The following PLIN5 variants were observed in gnomAD, a reference collection of about 807,000 sequenced individuals.
PLIN5 encodes perilipin 5.
A neutral mutation model predicts 32.8 loss-of-function variants in PLIN5; 34 were observed. That is an observed-to-expected ratio of 1.04 (90% confidence interval 0.79 to 1.38). The LOEUF (loss-of-function observed/expected upper bound fraction) is 1.38. Ranked by LOEUF, PLIN5 falls within the 40% of genes most tolerant of loss-of-function variation. The pLI, the probability that PLIN5 is intolerant of heterozygous loss-of-function variation, is 0.00. For synonymous variants in PLIN5, 309 were observed against 292.9 expected, an observed-to-expected ratio of 1.05 and a Z score of -0.56; for missense variants, 712 against 660.5, an observed-to-expected ratio of 1.08 and a Z score of -0.85.
chr19:4,531,006 CT>C (rs1205645710), intron 3 of PLIN5, among the ~76,000 whole-genome samples: 248 of 135,532 alleles, frequency 1.8e-3, no homozygotes, highest in East Asian at 5.5e-3. Flanking sequence ...TTTGTTTTTG[CT>C]TTTTTTTTTT....
rs1471138797 is a variant in PLIN5 at position 4,523,922 on chromosome 19, G to C, written c.998C>G (p.Ala333Gly). 6.5e-7 allele frequency: 1 copy of C among 1,528,698 alleles called. No individual in the cohort carries two copies. Among genetic ancestry groups the C allele is most frequent in the Non-Finnish European group, 8.7e-7 (1 of 1,146,620 alleles). The allele number at this position is 1,528,698 out of a possible 1,614,324, so 94.7% of individuals were successfully genotyped here. Reference protein sequence around the residue: ...VDALQTAFADARCFRDVPAAA... With the variant: ...VDALQTAFADGRCFRDVPAAA... ...CGCTGGCACGTCCCTGAAGCAGCGG[G>C]CATCAGCGAAGGCGGTCTGCAGGGC... The change falls in exon 8 of 8, where the codon GCC becomes GGC. Residue 333 changes from alanine to glycine, a missense_variant. By Grantham distance (60) the Ala-to-Gly change is moderately conservative. Coordinates refer to ENST00000381848, the MANE Select transcript of PLIN5 (RefSeq NM_001013706.3). The surrounding 1 kb of genome is among the most constrained non-coding windows in gnomAD (Gnocchi z 5.0).
intron 5 of PLIN5, 130 bp downstream of exon 5, chr19:4,528,943 G>C (rs1265657144): frequency 2.9e-6 from 3 of 1,039,694 alleles, no homozygotes; most frequent in South Asian, 3.4e-5. Flanking sequence ...GACAGGCCTG[G>C]TTTTGAGTTG....
chr19:4,528,961 CCTG>C (rs1410507832), intron 5 of PLIN5, 109 bp downstream of exon 5: 16 of 1,190,068 alleles, frequency 1.3e-5, no homozygotes, highest in Non-Finnish European at 1.9e-5. Flanking sequence ...TTGTATGTTT[CCTG>C]CTGATCTGCT....
intron 5 of PLIN5, chr19:4,528,753 G>A: frequency 4.2e-6 from 1 of 236,492 alleles, no homozygotes; most frequent in Non-Finnish European, 8.1e-6. Context: ...GACATGTAAT[G>A]CAAAATCTGG....
rs1476906388 is a variant in PLIN5, at chr19:4,522,680, G to A, written c.*848C>T. ...GGCAAAATGTGTGTTTCCCTAGGAA[G>A]TATTTTTTAAAAACATTTTTGAGAT... On this transcript the variant is annotated 3_prime_UTR_variant, in exon 8 of 8. Transcript: ENST00000381848. 3 of 152,158 alleles carry A rather than the reference G, an allele frequency of 2.0e-5. No homozygotes were observed. The highest frequency in any genetic ancestry group is 4.4e-5 in the Non-Finnish European group (3 of 68,046). 9.4% of individuals were successfully genotyped at this position (152,158 alleles called of 1,614,324 possible). A position where few individuals can be genotyped will look rare whatever the true frequency, so the allele number is the denominator to read the frequency against.
At chr19:4,524,211 C>T in intron 7 of PLIN5, 126 bp from the exon 8 acceptor site, 1 of 932,606 alleles carries the variant, frequency 1.1e-6, no homozygotes, top group East Asian at 3.3e-5. Context: ...AGTCCTGTCC[C>T]CTGTAGACAC....
In PLIN5 at chr19:4,523,397, A is replaced by G. The variant is rs1976754687; in HGVS notation, c.*131T>C. 2 of 1,073,150 alleles carry G rather than the reference A, an allele frequency of 1.9e-6. No individual in the cohort carries two copies. Among genetic ancestry groups the G allele is most frequent in the African/African-American group, 3.3e-5 (2 of 61,022 alleles). The allele number at this position is 1,073,150 out of a possible 1,614,324, so 66.5% of individuals were successfully genotyped here. On this transcript the variant is annotated 3_prime_UTR_variant, in exon 8 of 8. Coordinates refer to ENST00000381848, the MANE Select transcript of PLIN5 (RefSeq NM_001013706.3). This position sits in a 1 kb window ranked among gnomAD's most constrained non-coding sequence, Gnocchi z 5.0. ...AGTCCAATACCAAAAAGGTGGTCAG[A>G]GATCCGGAGTTGGGCCTGATTCCAA... is the stretch of plus-strand genomic sequence containing the variant.
At chr19:4,529,345 C>T (rs1434315329) in intron 4 of PLIN5, 92 bp from the exon 5 acceptor site, 9 of 1,386,302 alleles carry the variant, frequency 6.5e-6, no homozygotes, top group Non-Finnish European at 8.8e-6. Context: ...TCAAAGATCC[C>T]TGGACTTCTA....
At chr19:4,533,146 A>C (rs1193659888) in intron 2 of PLIN5, 3 of 146,796 alleles carry the variant, frequency 2.0e-5, no homozygotes, top group Admixed American at 1.4e-4. Context: ...CCTAGGCTGG[A>C]GTGCAGTGGC....
At chr19:4,533,952 C>T (rs1032479802) in intron 2 of PLIN5, 63 bp downstream of exon 2, 2 of 1,558,124 alleles carry the variant, frequency 1.3e-6, no homozygotes, top group Non-Finnish European at 1.7e-6. Context: ...CTGAAACGCT[C>T]CTAGAAGGGA....
Position 4,525,857 on chromosome 19 carries a change from CACGGGGACAGG to C in PLIN5, c.521-36_521-26del. 3.2e-6 allele frequency: 5 copies of C among 1,539,866 alleles called. No homozygotes were observed. Among genetic ancestry groups the C allele is most frequent in the African/African-American group, 1.9e-5 (1 of 52,224 alleles). On this transcript the variant is annotated intron_variant, in intron 5 of 7. Transcript: ENST00000381848. This position sits in a 1 kb window ranked among gnomAD's most constrained non-coding sequence, Gnocchi z 5.6. ...GCTGGAGGACAGGATACGGGGACAG[CACGGGGACAGG>C]ATACGGGGACAGCACGGGGACAGGA...
intron 5 of PLIN5, among the ~76,000 whole-genome samples, chr19:4,527,799 C>G (rs1471038447): frequency 6.6e-6 from 1 of 151,108 alleles, no homozygotes; most frequent in Non-Finnish European, 1.5e-5. Flanking sequence ...GAGCTGAGAT[C>G]GCAACACTGC....
intron 5 of PLIN5, chr19:4,528,466 T>G (rs1280067006): frequency 2.6e-5 from 4 of 151,778 alleles, no homozygotes; most frequent in African/African-American, 9.7e-5. Context: ...TGGAGTGCAA[T>G]AGCGCGATCT....
chr19:4,529,015 CA>C, intron 5 of PLIN5, 57 bp downstream of exon 5: 3 of 1,560,950 alleles, frequency 1.9e-6, no homozygotes, highest in Non-Finnish European at 2.6e-6. Flanking sequence ...TGATCTGTAC[CA>C]CAGGGGATGG....
chr19:4,529,626 C>CTAT (rs1172411079), intron 4 of PLIN5, 158 bp downstream of exon 4: 42 of 465,866 alleles, frequency 9.0e-5, no homozygotes, highest in Non-Finnish European at 1.3e-4. Flanking sequence ...CACACACACA[C>CTAT]ACACACACAC....
Position 4,525,022 on chromosome 19 carries a change from C to A in PLIN5, c.775G>T (p.Val259Leu). The A allele has an allele frequency of 1.3e-6, 2 of 1,500,948 alleles. No individual in the cohort carries two copies. The highest frequency in any genetic ancestry group is 2.3e-5 in the Admixed American group (1 of 43,090). 93.0% of individuals were successfully genotyped at this position (1,500,948 alleles called of 1,614,324 possible). The change falls in exon 7 of 8, where the codon GTG becomes TTG. Residue 259 changes from valine (V) to leucine (L), a missense_variant. Transcript: ENST00000381848. This position sits in a 1 kb window ranked among gnomAD's most constrained non-coding sequence, Gnocchi z 5.6. Reference protein sequence around the residue: ...TPTAPACPGKVHELWGEWGQR... With the variant: ...TPTAPACPGKLHELWGEWGQR... ...CCCCATTCCCCCCACAGCTCGTGCA[C>A]CTTCCCAGGGCAGGCCGGGGCGGTG...
intron 5 of PLIN5, among the ~76,000 whole-genome samples, chr19:4,526,516 TG>T (rs1976805787): frequency 1.3e-5 from 2 of 152,214 alleles, no homozygotes; most frequent in African/African-American, 4.8e-5. Flanking sequence ...CCATCATGCC[TG>T]GCCTGCTTAA....
intron 1 of PLIN5, chr19:4,534,400 A>G: frequency 6.3e-6 from 2 of 318,674 alleles, no homozygotes; most frequent in Non-Finnish European, 1.2e-5. Flanking sequence ...TTTTAAAGAC[A>G]GAATCTCTCT....
At chr19:4,526,701 A>T (rs1976807687) in intron 5 of PLIN5, among the ~76,000 whole-genome samples, 1 of 151,968 alleles carries the variant, frequency 6.6e-6, no homozygotes, top group African/African-American at 2.4e-5. Flanking sequence ...GAAATACAGA[A>T]ATTAGCCAGG....
Sources: allele counts gnomAD v4.1 joint callset (sites outside exome capture counted in the v4.1 genomes callset), GRCh38; gene constraint gnomAD v4.1.1; non-coding constraint Gnocchi (gnomAD v3.1); transcripts MANE v1.5; gene names NCBI Gene and HGNC (gene_info 2026-07-23, HGNC 2026-07-21).